The following AFG3L2 variants were observed in gnomAD, a reference collection of about 807,000 sequenced individuals.
AFG3L2 encodes mitochondrial inner membrane m-AAA protease component AFG3L2.
In AFG3L2, 54 loss-of-function variants were observed where a neutral mutation model predicts 94.5. That is an observed-to-expected ratio of 0.57 (90% CI 0.46 to 0.72). AFG3L2 has a LOEUF of 0.72. Among genes scored for constraint, AFG3L2 ranks in the 30% least tolerant of loss-of-function variants. The pLI is 0.00. For missense variants in AFG3L2, 754 were observed against 994.9 expected, an observed-to-expected ratio of 0.76 and a Z score of 3.26; for synonymous variants, 377 against 365.5, an observed-to-expected ratio of 1.03 and a Z score of -0.36.
At position 12,354,138 on chromosome 18, in the gene AFG3L2, C is replaced by T. The variant is rs369232976; in HGVS notation, c.1165-980G>A. Among the ~76,000 whole-genome samples the T allele has an allele frequency of 1.6e-4, 22 of 134,632 alleles. 2 individuals are homozygous for T. Among genetic ancestry groups the T allele is most frequent in the South Asian group, 5.4e-4 (2 of 3,692 alleles). 88.3% of individuals were successfully genotyped at this position (134,632 alleles called of 152,430 possible). A position where few individuals can be genotyped will look rare whatever the true frequency, so the allele number is the denominator to read the frequency against. The stretch of plus-strand genomic sequence containing the variant: ...TCTCCACCTGCCCACTCCCACCCCC[C>T]CCCCCCCACTTCACTGGACAGAAGT... On this transcript the variant is annotated intron_variant, in intron 9 of 16. Transcript: ENST00000269143.
chr18:12,347,140 AC>A (rs1408712145), intron 13 of AFG3L2, among the ~76,000 whole-genome samples: 15 of 152,286 alleles, frequency 9.8e-5, no homozygotes, highest in African/African-American at 2.2e-4. Flanking sequence ...AAACAAAAAA[AC>A]AAAACAAAAC....
rs183247453 is a variant in AFG3L2 at position 12,330,199 on chromosome 18, G to A, written c.2176-416C>T. Among the ~76,000 whole-genome samples, 1,301 of 152,268 alleles carry A rather than the reference G, an allele frequency of 8.5e-3. 21 individuals carry two copies. Among genetic ancestry groups the A allele is most frequent in the African/African-American group, 0.03 (1,233 of 41,550 alleles). On this transcript the variant is annotated intron_variant, in intron 16 of 16. Coordinates refer to ENST00000269143, the MANE Select transcript of AFG3L2 (RefSeq NM_006796.3). Reference sequence around the variant, plus strand: ...AAAATAGCTGGGCATGGTGGTGTGCGCCTGTAGTCCCAGCTACTTGGGAGG... The same window carrying A: ...AAAATAGCTGGGCATGGTGGTGTGCACCTGTAGTCCCAGCTACTTGGGAGG...
intron 13 of AFG3L2, among the ~76,000 whole-genome samples, chr18:12,345,240 T>C (rs10744999): frequency 0.76 from 116,384 of 152,166 alleles, 44,761 homozygotes; most frequent in Non-Finnish European, 0.78. Flanking sequence ...TGCTGCAGCC[T>C]GCGTCCACCA....
Position 12,347,052 on chromosome 18 carries a change from T to C in AFG3L2, c.1663+1221A>G, listed in dbSNP as rs558951394. 1.3e-4 allele frequency among the ~76,000 whole-genome samples: 19 copies of C among 151,432 alleles called. No individual in the cohort carries two copies. In the East Asian group the frequency reaches 3.7e-3, roughly 29 times the overall value. On this transcript the variant is annotated intron_variant, in intron 13 of 16. Coordinates refer to ENST00000269143, the MANE Select transcript of AFG3L2 (RefSeq NM_006796.3). ...CTCGGAAAGCTGTTTATTTGAACCC[T>C]GGAGGTGGAGGTTGCAGTGAGCCGA...
chr18:12,331,285 A>G (rs1907516158), intron 16 of AFG3L2, among the ~76,000 whole-genome samples: 1 of 152,128 alleles, frequency 6.6e-6, no homozygotes, highest in Non-Finnish European at 1.5e-5. Flanking sequence ...GACAAAATCA[A>G]CTAACAGCAA....
At position 12,367,298 on chromosome 18, in the gene AFG3L2, T is replaced by C; in HGVS notation, c.377A>G (p.His126Arg). 6.2e-7 allele frequency: 1 copy of C among 1,614,188 alleles called. No homozygotes were observed. Among genetic ancestry groups the C allele is most frequent in the South Asian group, 1.1e-5 (1 of 91,086 alleles). The change falls in exon 4 of 17, where the codon CAC becomes CGC. Residue 126 changes from histidine (H) to arginine (R), a missense_variant. Physicochemically the swap from His to Arg is conservative, Grantham distance 29 (BLOSUM62 0). Coordinates refer to ENST00000269143, the MANE Select transcript of AFG3L2 (RefSeq NM_006796.3). Reference protein sequence around the residue: ...GKRGGKKDDSHWWSRFQKGDI... With the variant: ...GKRGGKKDDSRWWSRFQKGDI... ...AACCTTCTGAAACCTGGACCACCAG[T>C]GAGAATCATCTTTCTTGCCACCTCG...
chr18:12,356,353 T>C (rs1908495175), intron 9 of AFG3L2, among the ~76,000 whole-genome samples: 1 of 152,164 alleles, frequency 6.6e-6, no homozygotes, highest in South Asian at 2.1e-4. Context: ...GGTTTCGCCA[T>C]GTTGGCCAGG....
chr18:12,374,230 T>C (rs1224367091), intron 1 of AFG3L2, among the ~76,000 whole-genome samples: 2 of 152,210 alleles, frequency 1.3e-5, no homozygotes. Context: ...ATGTCTAGCA[T>C]TCAAAGAATA....
At chr18:12,355,602 A>G (rs1174842126) in intron 9 of AFG3L2, among the ~76,000 whole-genome samples, 1 of 152,154 alleles carries the variant, frequency 6.6e-6, no homozygotes, top group Non-Finnish European at 1.5e-5. Context: ...ATATTGTATA[A>G]TTTCATTTAC....
chr18:12,331,812 T>TAA (rs1907537405), intron 16 of AFG3L2, among the ~76,000 whole-genome samples: 11 of 872 alleles, frequency 0.013, no homozygotes, highest in African/African-American at 0.021. Flanking sequence ...TAAATAAATA[T>TAA]ATATATATAT....
chr18:12,341,465 A>G (rs11659246), intron 14 of AFG3L2: 14,299 of 152,200 alleles, frequency 0.094, 840 homozygotes, highest in Middle Eastern at 0.19. Flanking sequence ...GCAACCACAG[A>G]CATGCCTTCT....
chr18:12,333,046 TTATATAATAGATTATAATCTATTA>T, intron 16 of AFG3L2, among the ~76,000 whole-genome samples: 1 of 10,360 alleles, frequency 9.7e-5, no homozygotes, highest in South Asian at 6.7e-3. Context: ...ATATAATCTA[TTATATAATAGATTATAATCTATTA>T]TATAACTATT....
intron 8 of AFG3L2, 152 bp downstream of exon 8, chr18:12,358,518 C>CAGGAT (rs113260496): frequency 1.6e-5 from 16 of 1,000,242 alleles, no homozygotes; most frequent in African/African-American, 1.5e-4. Context: ...TGACCCAAAA[C>CAGGAT]GATCCTCGAG....
intron 13 of AFG3L2, 89 bp downstream of exon 13, chr18:12,348,184 T>C: frequency 1.8e-6 from 2 of 1,133,512 alleles, no homozygotes; most frequent in Non-Finnish European, 2.6e-6. Context: ...ACACTTTCTT[T>C]GCTTCTAGTT....
At chr18:12,358,606 C>T in intron 8 of AFG3L2, 64 bp downstream of exon 8, 1 of 1,545,528 alleles carries the variant, frequency 6.5e-7, no homozygotes, top group Non-Finnish European at 8.8e-7. Context: ...AATCAAACTT[C>T]ACAGAATTAT....
chr18:12,349,456 G>A lies in AFG3L2; in HGVS notation c.1553-1073C>T, dbSNP rs139582201. On this transcript the variant is annotated intron_variant, in intron 12 of 16. Coordinates refer to ENST00000269143, the MANE Select transcript of AFG3L2 (RefSeq NM_006796.3). ...AAAAAATCTGTACACCGATGTTCATGGCAGCATTATTCATAATAGCCAAAA... is the reference window on the plus strand; with the variant it reads ...AAAAAATCTGTACACCGATGTTCATAGCAGCATTATTCATAATAGCCAAAA... Among the ~76,000 whole-genome samples, 381 of 152,278 alleles carry A rather than the reference G, an allele frequency of 2.5e-3. 2 individuals are homozygous for A. Among genetic ancestry groups the A allele is most frequent in the African/African-American group, 8.9e-3 (371 of 41,554 alleles).
chr18:12,333,132 ATAAT>A (rs1181409323), intron 16 of AFG3L2, among the ~76,000 whole-genome samples: 14 of 87,954 alleles, frequency 1.6e-4, no homozygotes, highest in Non-Finnish European at 2.4e-4. Context: ...GATTATATAT[ATAAT>A]ATATATAATA....
intron 10 of AFG3L2, among the ~76,000 whole-genome samples, chr18:12,351,700 C>G (rs952925200): frequency 6.6e-6 from 1 of 152,070 alleles, no homozygotes; most frequent in Non-Finnish European, 1.5e-5. Context: ...GCATGCCCCA[C>G]CACACCTGGC....
At chr18:12,341,121 ATGT>A (rs1429757570) in intron 14 of AFG3L2, 1 of 152,286 alleles carries the variant, frequency 6.6e-6, no homozygotes, top group South Asian at 2.1e-4. Context: ...GACAGTTCTG[ATGT>A]TGTGCAAGCA....
Sources: gnomAD v4.1 joint callset for allele counts (sites outside exome capture counted in the v4.1 genomes callset) on GRCh38, gnomAD v4.1.1 for gene constraint, MANE v1.5 for transcripts, NCBI Gene and HGNC (gene_info 2026-07-23, HGNC 2026-07-21) for gene names.